Variants in LBX1 observed in about 807,000 individuals in gnomAD.
LBX1 encodes the protein ladybird homeobox 1, also known as transcription factor LBX1.
In LBX1, 6 loss-of-function variants were observed where a neutral mutation model predicts 19.9. The ratio of observed to expected loss-of-function variants is 0.30; its 90% CI spans 0.17 to 0.60. LBX1 has a LOEUF of 0.60. Ranked by LOEUF, LBX1 falls within the 20% of genes least tolerant of loss-of-function variation. The probability of loss-of-function intolerance (pLI) is 0.87; values close to 1 mark genes in which losing one functional copy is unlikely to be tolerated. For synonymous variants in LBX1, 190 were observed against 189.3 expected (o/e 1.00, Z -0.03); for missense variants, 344 against 393.7 (o/e 0.87, Z 1.07).
Position 101,227,175 on chromosome 10 carries a change from A to C in LBX1, c.*95T>G, listed in dbSNP as rs1941052880. ...GACAGGGGAGGAGGCGGGAGTTGGC[A>C]GAGGAGGTCCCAGCTCCCCTCGGCG... is the stretch of plus-strand genomic sequence containing the variant. On this transcript the variant is annotated 3_prime_UTR_variant, in exon 2 of 2. Coordinates refer to ENST00000370193, the MANE Select transcript of LBX1 (RefSeq NM_006562.5). The C allele has an allele frequency of 8.1e-7, 1 of 1,241,672 alleles. No individual in the cohort carries two copies. The highest frequency in any genetic ancestry group is 2.3e-5 in the Admixed American group (1 of 43,784). 76.9% of individuals were successfully genotyped at this position (1,241,672 alleles called of 1,614,324 possible). A position where few individuals can be genotyped will look rare whatever the true frequency, so the allele number is the denominator to read the frequency against.
Position 101,227,223 on chromosome 10 carries a change from C to G in LBX1, c.*47G>C, listed in dbSNP as rs1056769726. The G allele has an allele frequency of 3.8e-6, 6 of 1,571,052 alleles. No individual in the cohort carries two copies. The highest frequency in any genetic ancestry group is 5.2e-6 in the Non-Finnish European group (6 of 1,162,526). Reference sequence around the variant, plus strand: ...GCGGTCCGGTCCGGGAGGCGTTGGGCTTTCGAGCGCTAGGAGCCCAGGGCG... The same window carrying G: ...GCGGTCCGGTCCGGGAGGCGTTGGGGTTTCGAGCGCTAGGAGCCCAGGGCG... On this transcript the variant is annotated 3_prime_UTR_variant, in exon 2 of 2. Transcript: ENST00000370193.
chr10:101,228,347 A>G, intron 1 of LBX1, 144 bp downstream of exon 1: 2 of 614,920 alleles, frequency 3.3e-6, no homozygotes, highest in Non-Finnish European at 5.5e-6. Context: ...CGTCCCACAT[A>G]TCTTCACTCC....
chr10:101,228,123 C>T lies in LBX1; in HGVS notation c.326-333G>A, dbSNP rs370303115. Among the ~76,000 whole-genome samples, 44 of 152,286 alleles carry T rather than the reference C, an allele frequency of 2.9e-4. No individual in the cohort carries two copies. In the East Asian group the frequency reaches 3.1e-3, roughly 11 times the overall value. On this transcript the variant is annotated intron_variant, in intron 1 of 1. Transcript: ENST00000370193. ...TGTGAATGTTGGTTCTCCATCCCTT[C>T]CCAATCACTTCAACTCTACCCTACC...
Position 101,227,567 on chromosome 10 carries a change from G to A in LBX1, c.549C>T (p.Asp183=), listed in dbSNP as rs1485636644. ...CTACGTCGGCCTTCATCTCCTCCAG[G>A]TCCCGCTTGAGCTTAGCGCGCCGAT... The part of the protein sequence containing the change: ...FQNRRAKLKR[D]LEEMKADVES... Residue 183 remains aspartate (D), a synonymous_variant, in exon 2 of 2, where the codon GAC becomes GAT. Transcript: ENST00000370193. The A allele has an allele frequency of 1.9e-6, 3 of 1,614,174 alleles. No individual in the cohort carries two copies. Among genetic ancestry groups the A allele is most frequent in the East Asian group, 2.2e-5 (1 of 44,880 alleles).
Position 101,228,845 on chromosome 10 carries a change from C to A in LBX1, c.-30G>T. 1 of 1,407,218 alleles carries A rather than the reference C, an allele frequency of 7.1e-7. No homozygotes were observed. Among genetic ancestry groups the A allele is most frequent in the Admixed American group, 3.1e-5 (1 of 32,560 alleles). 87.2% of individuals were successfully genotyped at this position (1,407,218 alleles called of 1,614,324 possible). Reference sequence around the variant, plus strand: ...GCCTTGTTCGGGGTCCCGGCCGGGGCGGCTCGGGCCGCGGGGACCCAGCCC... The same window carrying A: ...GCCTTGTTCGGGGTCCCGGCCGGGGAGGCTCGGGCCGCGGGGACCCAGCCC... On this transcript the variant is annotated 5_prime_UTR_variant, in exon 1 of 2. Coordinates refer to ENST00000370193, the MANE Select transcript of LBX1 (RefSeq NM_006562.5).
chr10:101,227,160 G>A lies in LBX1; in HGVS notation c.*110C>T. Reference sequence around the variant, plus strand: ...GAGTCCGGGGCCGGGGACAGGGGAGGAGGCGGGAGTTGGCAGAGGAGGTCC... The same window carrying A: ...GAGTCCGGGGCCGGGGACAGGGGAGAAGGCGGGAGTTGGCAGAGGAGGTCC... On this transcript the variant is annotated 3_prime_UTR_variant, in exon 2 of 2. Coordinates refer to ENST00000370193, the MANE Select transcript of LBX1 (RefSeq NM_006562.5). The A allele has an allele frequency of 9.4e-7, 1 of 1,058,958 alleles. No homozygotes were observed. The highest frequency in any genetic ancestry group is 1.3e-6 in the Non-Finnish European group (1 of 747,380). 65.6% of individuals were successfully genotyped at this position (1,058,958 alleles called of 1,614,324 possible).
At position 101,228,678 on chromosome 10, in the gene LBX1, A is replaced by G. The variant is rs771377105; in HGVS notation, c.138T>C (p.Ser46=). The stretch of plus-strand genomic sequence containing the variant: ...CGCACAGCGAGTAACTTCTCCGCAC[A>G]GACGGCTTGTTGAGGATGTCCTCGA... ...FSIEDILNKP[S]VRRSYSLCGA... Residue 46 remains serine, a synonymous_variant, in exon 1 of 2, where the codon TCT becomes TCC. Coordinates refer to ENST00000370193, the MANE Select transcript of LBX1 (RefSeq NM_006562.5). 4 of 1,607,204 alleles carry G rather than the reference A, an allele frequency of 2.5e-6. No homozygotes were observed. Among genetic ancestry groups the G allele is most frequent in the East Asian group, 2.3e-5 (1 of 44,332 alleles).
chr10:101,227,159 G>A lies in LBX1; in HGVS notation c.*111C>T. On this transcript the variant is annotated 3_prime_UTR_variant, in exon 2 of 2. Coordinates refer to ENST00000370193, the MANE Select transcript of LBX1 (RefSeq NM_006562.5). ...CGAGTCCGGGGCCGGGGACAGGGGA[G>A]GAGGCGGGAGTTGGCAGAGGAGGTC... is the stretch of plus-strand genomic sequence containing the variant. 1 of 1,054,690 alleles carries A rather than the reference G, an allele frequency of 9.5e-7. No homozygotes were observed. The highest frequency in any genetic ancestry group is 1.3e-6 in the Non-Finnish European group (1 of 743,800). The allele number at this position is 1,054,690 out of a possible 1,614,324, so 65.3% of individuals were successfully genotyped here. A position where few individuals can be genotyped will look rare whatever the true frequency, so the allele number is the denominator to read the frequency against.
In LBX1 at chr10:101,228,736, G is replaced by A; in HGVS notation, c.80C>T (p.Ala27Val). ...RSPLDHLPPP[A>V]NSNKPLTPFS... ...CGGCGTCAGTGGCTTGTTGGAGTTG[G>A]CAGGCGGAGGCAGGTGGTCCAGCGG... The change falls in exon 1 of 2, where the codon GCC (alanine) becomes GTC (valine). Residue 27 changes from alanine to valine, a missense_variant. Coordinates refer to ENST00000370193, the MANE Select transcript of LBX1 (RefSeq NM_006562.5). 6.2e-7 allele frequency: 1 copy of A among 1,604,406 alleles called. No individual in the cohort carries two copies. The highest frequency in any genetic ancestry group is 8.5e-7 in the Non-Finnish European group (1 of 1,177,112).
In LBX1 at chr10:101,227,340, G is replaced by T; in HGVS notation, c.776C>A (p.Thr259Lys). ...GTCCTGGCTGCTGGCCGGCTGGTCC[G>T]TGAGCGGAGAGGCAGGCGAGAGCTG... ...ALQLSPASPL[T>K]DQPASSQDCS... Residue 259 changes from threonine (T) to lysine (K), a missense_variant, in exon 2 of 2, where the codon ACG (threonine) becomes AAG (lysine). Thr to Lys is a moderately conservative substitution (Grantham distance 78, BLOSUM62 -1). Coordinates refer to ENST00000370193, the MANE Select transcript of LBX1 (RefSeq NM_006562.5). 6.2e-7 allele frequency: 1 copy of T among 1,608,956 alleles called. No homozygotes were observed. Among genetic ancestry groups the T allele is most frequent in the East Asian group, 2.2e-5 (1 of 44,582 alleles).
Position 101,229,211 on chromosome 10 carries a change from G to A in LBX1, c.-396C>T, listed in dbSNP as rs1420768265. On this transcript the variant is annotated 5_prime_UTR_variant, in exon 1 of 2. Coordinates refer to ENST00000370193, the MANE Select transcript of LBX1 (RefSeq NM_006562.5). The surrounding 1 kb of genome is among the most constrained non-coding windows in gnomAD (Gnocchi z 6.4). ...GAGGGCGCCGATCCCGGACTGCGAG[G>A]GAGGCGGAGAGACGGGGCAATTGAC... The A allele has an allele frequency of 1.3e-5, 2 of 153,250 alleles. No individual in the cohort carries two copies. Among genetic ancestry groups the A allele is most frequent in the Non-Finnish European group, 2.9e-5 (2 of 68,704 alleles). 9.5% of individuals were successfully genotyped at this position (153,250 alleles called of 1,614,324 possible).
At position 101,229,220 on chromosome 10, in the gene LBX1, G is replaced by A. The variant is rs1941085035; in HGVS notation, c.-405C>T. On this transcript the variant is annotated 5_prime_UTR_variant, in exon 1 of 2. Transcript: ENST00000370193. This position sits in a 1 kb window ranked among gnomAD's most constrained non-coding sequence, Gnocchi z 6.4. Reference sequence around the variant, plus strand: ...GATCCCGGACTGCGAGGGAGGCGGAGAGACGGGGCAATTGACTATTGCTAA... The same window carrying A: ...GATCCCGGACTGCGAGGGAGGCGGAAAGACGGGGCAATTGACTATTGCTAA... The A allele has an allele frequency of 1.3e-5, 2 of 153,068 alleles. No homozygotes were observed. Among genetic ancestry groups the A allele is most frequent in the Non-Finnish European group, 2.9e-5 (2 of 68,604 alleles). 9.5% of individuals were successfully genotyped at this position (153,068 alleles called of 1,614,324 possible).
At position 101,227,046 on chromosome 10, in the gene LBX1, C is replaced by T. The variant is rs1032635010; in HGVS notation, c.*224G>A. ...TACAGAATTGCACGGCGAGGGCTTC[C>T]GGGGCGGCGGAGGCCGCTGGTGGCG... is the stretch of plus-strand genomic sequence containing the variant. On this transcript the variant is annotated 3_prime_UTR_variant, in exon 2 of 2. Transcript: ENST00000370193. 6.3e-6 allele frequency: 3 copies of T among 479,302 alleles called. No individual in the cohort carries two copies. The highest frequency in any genetic ancestry group is 2.1e-5 in the African/African-American group (1 of 48,574). 29.7% of individuals were successfully genotyped at this position (479,302 alleles called of 1,614,324 possible).
At position 101,227,347 on chromosome 10, in the gene LBX1, G is replaced by C. The variant is rs377118339; in HGVS notation, c.769C>G (p.Pro257Ala). 3 of 1,608,812 alleles carry C rather than the reference G, an allele frequency of 1.9e-6. No homozygotes were observed. The highest frequency in any genetic ancestry group is 2.2e-5 in the South Asian group (2 of 90,938). ...CTGCTGGCCGGCTGGTCCGTGAGCG[G>C]AGAGGCAGGCGAGAGCTGCAGGGCG... ...AGALQLSPASPLTDQPASSQD... is the reference protein window; with the variant it reads ...AGALQLSPASALTDQPASSQD... The change falls in exon 2 of 2, where the codon CCG (proline) becomes GCG (alanine). Residue 257 changes from proline (P) to alanine (A), a missense_variant. Physicochemically the swap from Pro to Ala is conservative, Grantham distance 27. Transcript: ENST00000370193.
chr10:101,227,844 G>A, intron 1 of LBX1, 54 bp from the exon 2 acceptor site: 2 of 1,501,802 alleles, frequency 1.3e-6, no homozygotes, highest in South Asian at 1.3e-5. Flanking sequence ...GCCCACCCTG[G>A]CTCTCGCCCC....
chr10:101,227,856 G>A lies in LBX1; in HGVS notation c.326-66C>T, dbSNP rs1025698901. ...GAAGCCCACCCTGGCTCTCGCCCCC[G>A]TAACTCCGTAACCCACCCAGGCCTG... On this transcript the variant is annotated intron_variant, in intron 1 of 1. Transcript: ENST00000370193. 1.2e-5 allele frequency: 17 copies of A among 1,443,116 alleles called. No individual in the cohort carries two copies. The Admixed American group carries it at 3.2e-4, about 27-fold the overall frequency. 89.4% of individuals were successfully genotyped at this position (1,443,116 alleles called of 1,614,324 possible). A position where few individuals can be genotyped will look rare whatever the true frequency, so the allele number is the denominator to read the frequency against.
chr10:101,227,212 G>A lies in LBX1; in HGVS notation c.*58C>T. ...AGCTCCCCTCGGCGGTCCGGTCCGG[G>A]AGGCGTTGGGCTTTCGAGCGCTAGG... On this transcript the variant is annotated 3_prime_UTR_variant, in exon 2 of 2. Transcript: ENST00000370193. 1 of 1,537,684 alleles carries A rather than the reference G, an allele frequency of 6.5e-7. No homozygotes were observed. The highest frequency in any genetic ancestry group is 2.4e-5 in the East Asian group (1 of 41,500).
chr10:101,228,766 C>T lies in LBX1; in HGVS notation c.50G>A (p.Arg17His), dbSNP rs1218919499. Residue 17 changes from arginine (R) to histidine (H), a missense_variant, in exon 1 of 2, where the codon CGC (arginine) becomes CAC (histidine). This residue lies in a region of LBX1 where 153 missense variants were observed against 168.9 expected (regional missense o/e 0.91). Coordinates refer to ENST00000370193, the MANE Select transcript of LBX1 (RefSeq NM_006562.5). ...GKAAPGEERRRSPLDHLPPPA... is the reference protein window; with the variant it reads ...GKAAPGEERRHSPLDHLPPPA... ...CGGAGGCAGGTGGTCCAGCGGGCTG[C>T]GCCGCCGCTCCTCCCCCGGCGCCGC... 1.3e-6 allele frequency: 2 copies of T among 1,598,138 alleles called. No homozygotes were observed. The highest frequency in any genetic ancestry group is 2.3e-5 in the East Asian group (1 of 42,870).
chr10:101,227,135 G>A lies in LBX1; in HGVS notation c.*135C>T, dbSNP rs953632278. ...AGGGAAGAGGCGGCTGCCAGGAGCC[G>A]AGTCCGGGGCCGGGGACAGGGGAGG... is the stretch of plus-strand genomic sequence containing the variant. On this transcript the variant is annotated 3_prime_UTR_variant, in exon 2 of 2. Transcript: ENST00000370193. The A allele has an allele frequency of 4.4e-5, 38 of 868,318 alleles. No homozygotes were observed. The Admixed American group carries it at 1.0e-3, about 23-fold the overall frequency. 53.8% of individuals were successfully genotyped at this position (868,318 alleles called of 1,614,324 possible). A position where few individuals can be genotyped will look rare whatever the true frequency, so the allele number is the denominator to read the frequency against.
Sources: allele counts gnomAD v4.1 joint callset (sites outside exome capture counted in the v4.1 genomes callset), GRCh38; gene constraint gnomAD v4.1.1; regional missense constraint gnomAD v4.1.1; non-coding constraint Gnocchi (gnomAD v3.1); transcripts MANE v1.5; gene names NCBI Gene and HGNC (gene_info 2026-07-23, HGNC 2026-07-21).